Variants in MYH15 observed in about 807,000 individuals in gnomAD.
The protein encoded by MYH15 is myosin heavy chain 15.
MYH15 carries 227 observed loss-of-function variants against 240.5 expected under a neutral mutation model. The observed-to-expected ratio is 0.94, with a 90% CI of 0.85 to 1.05. The LOEUF (loss-of-function observed/expected upper bound fraction) is 1.05. Ranked by LOEUF, MYH15 falls within the 50% of genes least tolerant of loss-of-function variation. The pLI is 0.00. For missense variants in MYH15, 2,217 were observed against 2,247.5 expected, an observed-to-expected ratio of 0.99 and a Z score of 0.27; for synonymous variants, 785 against 796.7, an observed-to-expected ratio of 0.99 and a Z score of 0.25.
intron 13 of MYH15, 109 bp from the exon 14 acceptor site, chr3:108,470,321 T>C: frequency 1.4e-6 from 1 of 734,710 alleles, no homozygotes. Context: ...TGATCAGAAA[T>C]AGACCCAACA....
intron 5 of MYH15, 73 bp from the exon 6 acceptor site, chr3:108,498,218 T>A: frequency 1.5e-6 from 2 of 1,310,886 alleles, no homozygotes; most frequent in Non-Finnish European, 2.2e-6. Context: ...GTAATTTTGA[T>A]TATATAGGCT....
At chr3:108,455,689 T>C (rs755313829) in intron 20 of MYH15, 47 bp downstream of exon 20, 37 of 1,593,474 alleles carry the variant, frequency 2.3e-5, no homozygotes, top group South Asian at 1.4e-4. Context: ...ATACACAGTC[T>C]TCCCCCCATT....
At chr3:108,382,599 A>T (rs1170704023) in intron 40 of MYH15, among the ~76,000 whole-genome samples, 2 of 152,100 alleles carry the variant, frequency 1.3e-5, no homozygotes, top group Non-Finnish European at 2.9e-5. Context: ...TAGTAGACAC[A>T]TGTGTGACTT....
chr3:108,536,066 G>C, the MYH15 span, among the ~76,000 whole-genome samples: 35 of 152,230 alleles, frequency 2.3e-4, no homozygotes, highest in African/African-American at 7.5e-4. Context: ...TCAGAAGTTC[G>C]AGACCAACCT....
chr3:108,394,045 T>A lies in MYH15; in HGVS notation c.5245A>T (p.Lys1749Ter). ...AAGGGACCCACCTCAATGGCTGCCT[T>A]CTTGGCCTTCTCTTCTGCATTTTGA... Reference protein sequence around the residue: ...ECQNAEEKAKKAAIEAANLSE... With the variant: ...ECQNAEEKAK The change falls in exon 36 of 41, where the codon AAG becomes TAG. Residue 1749 changes from lysine (K) to a stop codon, truncating the protein, a stop_gained. Transcript: ENST00000693548. LOFTEE classifies it high-confidence loss of function. 6.2e-7 allele frequency: 1 copy of A among 1,613,990 alleles called. No homozygotes were observed. The highest frequency in any genetic ancestry group is 8.5e-7 in the Non-Finnish European group (1 of 1,179,980).
the MYH15 span, among the ~76,000 whole-genome samples, chr3:108,535,884 C>T: frequency 6.6e-6 from 1 of 152,206 alleles, no homozygotes; most frequent in South Asian, 2.1e-4. Context: ...CCCTAACTTG[C>T]AACTCAGAAT....
intron 7 of MYH15, among the ~76,000 whole-genome samples, chr3:108,493,745 AG>A (rs557658200): frequency 2.2e-3 from 338 of 152,288 alleles, no homozygotes; most frequent in African/African-American, 7.4e-3. Flanking sequence ...AGTCAGAGAA[AG>A]GGGGGGCATA....
chr3:108,437,783 G>T, intron 24 of MYH15, 84 bp from the exon 25 acceptor site: 1 of 892,808 alleles, frequency 1.1e-6, no homozygotes, highest in Non-Finnish European at 1.5e-6. Context: ...CTTACCTTCT[G>T]GAAAAAGAAA....
In MYH15 at chr3:108,408,436, T is replaced by C. The variant is rs1418473456; in HGVS notation, c.4496-32A>G. On this transcript the variant is annotated intron_variant, in intron 31 of 40. Coordinates refer to ENST00000693548, the MANE Select transcript of MYH15 (RefSeq NM_014981.3). Reference sequence around the variant, plus strand: ...ACAGAGGTAAGAAAAACAAAGTTAGTGAATGGGCTCAGTCTCAAACCAATG... The same window carrying C: ...ACAGAGGTAAGAAAAACAAAGTTAGCGAATGGGCTCAGTCTCAAACCAATG... The C allele has an allele frequency of 1.9e-6, 3 of 1,589,196 alleles. No individual in the cohort carries two copies. In the South Asian group the frequency reaches 3.5e-5, roughly 18 times the overall value.
intron 22 of MYH15, among the ~76,000 whole-genome samples, chr3:108,443,007 C>G (rs1450344694): frequency 1.3e-5 from 2 of 152,108 alleles, no homozygotes; most frequent in Non-Finnish European, 2.9e-5. Flanking sequence ...ATGCCCTACA[C>G]AAGCTGGGTC....
At chr3:108,394,833 T>C (rs537815525) in intron 35 of MYH15, among the ~76,000 whole-genome samples, 343 of 152,346 alleles carry the variant, frequency 2.3e-3, no homozygotes, top group African/African-American at 7.5e-3. Context: ...CCAGCTTTTC[T>C]GAGGGTGTGA....
intron 1 of MYH15, among the ~76,000 whole-genome samples, chr3:108,508,363 G>A (rs1354799052): frequency 6.6e-6 from 1 of 152,148 alleles, no homozygotes; most frequent in Non-Finnish European, 1.5e-5. Context: ...TTTAATTCCT[G>A]GTGTTCATGA....
At chr3:108,445,940 G>GA (rs1357555610) in intron 21 of MYH15, among the ~76,000 whole-genome samples, 14 of 151,688 alleles carry the variant, frequency 9.2e-5, no homozygotes, top group African/African-American at 1.7e-4. Context: ...AAATACTGGG[G>GA]AAAAAAAACT....
At chr3:108,401,633 A>G (rs943371334) in intron 33 of MYH15, among the ~76,000 whole-genome samples, 1 of 152,222 alleles carries the variant, frequency 6.6e-6, no homozygotes, top group Non-Finnish European at 1.5e-5. Flanking sequence ...ACACAGGAAC[A>G]CTGAAGCATC....
chr3:108,533,870 C>A (rs1311192095), upstream of MYH15, among the ~76,000 whole-genome samples: 1 of 152,152 alleles, frequency 6.6e-6, no homozygotes, highest in Non-Finnish European at 1.5e-5. Flanking sequence ...CCCTGCCTTC[C>A]CCTGCAGGGG....
At chr3:108,484,589 A>G (rs1576262740) in intron 11 of MYH15, among the ~76,000 whole-genome samples, 2 of 151,898 alleles carry the variant, frequency 1.3e-5, no homozygotes, top group African/African-American at 4.8e-5. Flanking sequence ...AGCGATTCTC[A>G]TGCCTCAGCC....
chr3:108,462,857 T>C (rs2107582168), intron 16 of MYH15, among the ~76,000 whole-genome samples: 1 of 152,190 alleles, frequency 6.6e-6, no homozygotes, highest in South Asian at 2.1e-4. Context: ...TGTTTTTTGT[T>C]TTCCCTTTGT....
intron 3 of MYH15, 78 bp from the exon 4 acceptor site, chr3:108,500,352 A>G (rs955479028): frequency 6.9e-7 from 1 of 1,447,530 alleles, no homozygotes; most frequent in African/African-American, 1.4e-5. Flanking sequence ...AGTGTCAAGT[A>G]ATATTTGCTC....
chr3:108,406,277 G>T (rs966072987), intron 32 of MYH15, among the ~76,000 whole-genome samples: 5 of 152,220 alleles, frequency 3.3e-5, no homozygotes, highest in Non-Finnish European at 7.3e-5. Context: ...GCTACAGGCA[G>T]TCCTAAGGGC....
Sources: allele counts gnomAD v4.1 joint callset (sites outside exome capture counted in the v4.1 genomes callset), GRCh38; gene constraint gnomAD v4.1.1; transcripts MANE v1.5; gene names NCBI Gene and HGNC (gene_info 2026-07-23, HGNC 2026-07-21).